ZNF540: variants seen among roughly 807,000 people sequenced by gnomAD.
The protein encoded by ZNF540 is zinc finger protein 540, also known as CTD-3064H18.6.
Under a neutral mutation model 11.8 loss-of-function variants are expected in ZNF540, and 3 were observed. The observed-to-expected ratio is 0.25, with a 90% CI of 0.12 to 0.65. The LOEUF (loss-of-function observed/expected upper bound fraction) is 0.65, where lower values mean the gene tolerates loss of function less well. Ranked by LOEUF, ZNF540 falls within the 30% of genes least tolerant of loss-of-function variation. The pLI is 0.83. For synonymous variants in ZNF540, 247 were observed against 259.0 expected (o/e 0.95, Z 0.45); for missense variants, 709 against 793.1 (o/e 0.89, Z 1.27).
At chr19:37,607,729 T>A (rs1018157242) in intron 4 of ZNF540, among the ~76,000 whole-genome samples, 6 of 152,234 alleles carry the variant, frequency 3.9e-5, no homozygotes, top group Non-Finnish European at 8.8e-5. Flanking sequence ...ATCTTGGTTT[T>A]TTTTAAGTAT....
At chr19:37,566,625 A>C (rs1489206704) in intron 1 of ZNF540, 3 of 200,852 alleles carry the variant, frequency 1.5e-5, no homozygotes, top group Non-Finnish European at 3.0e-5. Flanking sequence ...CTATCAACAA[A>C]TCCTATCAGC....
chr19:37,581,462 C>T (rs2043458807), intron 1 of ZNF540, among the ~76,000 whole-genome samples: 1 of 149,162 alleles, frequency 6.7e-6, no homozygotes, highest in Non-Finnish European at 1.5e-5. Context: ...TTCTTTCTTT[C>T]TTTCTTTTTT....
intron 1 of ZNF540, 35 bp from the exon 2 acceptor site, chr19:37,598,341 G>C (rs1309719472): frequency 9.2e-7 from 1 of 1,084,530 alleles, no homozygotes; most frequent in East Asian, 2.4e-5. Flanking sequence ...GGCAGACCTA[G>C]TCTCACTGTC....
intron 1 of ZNF540, among the ~76,000 whole-genome samples, chr19:37,571,729 C>A (rs528396292): frequency 6.6e-6 from 1 of 152,276 alleles, no homozygotes; most frequent in South Asian, 2.1e-4. Context: ...TGAGGAGCAT[C>A]TGTACTACTA....
intron 1 of ZNF540, among the ~76,000 whole-genome samples, chr19:37,568,707 A>T (rs2042952824): frequency 6.6e-6 from 1 of 152,196 alleles, no homozygotes; most frequent in African/African-American, 2.4e-5. Flanking sequence ...TACATATAAA[A>T]ATGTATTCAA....
intron 1 of ZNF540, among the ~76,000 whole-genome samples, chr19:37,557,278 C>T (rs774412369): frequency 1.3e-5 from 2 of 152,176 alleles, no homozygotes; most frequent in Non-Finnish European, 1.5e-5. Flanking sequence ...CAGGTTGTTC[C>T]CCAGAGAGCT....
At position 37,608,053 on chromosome 19, in the gene ZNF540, A is replaced by C. The variant is rs73617199; in HGVS notation, c.233-3460A>C. ...TGTTTTTAATTTGCAGTTCTCTGAC[A>C]TTCCTGATCTCTGGTTTGGTGTCTG... On this transcript the variant is annotated intron_variant, in intron 4 of 4. Coordinates refer to ENST00000316433, the MANE Select transcript of ZNF540 (RefSeq NM_001172225.3). Among the ~76,000 whole-genome samples the C allele has an allele frequency of 7.7e-3, 1,168 of 152,298 alleles. 16 individuals are homozygous for C. The highest frequency in any genetic ancestry group is 0.027 in the African/African-American group (1,128 of 41,570).
chr19:37,554,131 C>T (rs1252064045), intron 1 of ZNF540, among the ~76,000 whole-genome samples: 4 of 152,106 alleles, frequency 2.6e-5, no homozygotes, highest in Non-Finnish European at 5.9e-5. Flanking sequence ...GTTTTTTGAC[C>T]TTCACATTCC....
chr19:37,594,712 A>G (rs2043967398), upstream of ZNF540: 2 of 152,338 alleles, frequency 1.3e-5, no homozygotes, highest in Admixed American at 1.3e-4. Flanking sequence ...AAAAGCTGCG[A>G]GCGGTTCCCG....
At chr19:37,605,078 GTGCT>G (rs1466483454) in intron 4 of ZNF540, among the ~76,000 whole-genome samples, 1 of 152,210 alleles carries the variant, frequency 6.6e-6, no homozygotes, top group African/African-American at 2.4e-5. Context: ...GCTATTATGA[GTGCT>G]TGTTTACAAG....
At chr19:37,581,042 A>G (rs143786018) in intron 1 of ZNF540, among the ~76,000 whole-genome samples, 166 of 152,342 alleles carry the variant, frequency 1.1e-3, no homozygotes, top group African/African-American at 3.5e-3. Flanking sequence ...TTCTAGCATT[A>G]TTTACTTCAA....
rs1223180144 is a variant in ZNF540 at position 37,558,234 on chromosome 19, C to T, written c.-73+6569C>T. Among the ~76,000 whole-genome samples, 14 of 152,122 alleles carry T rather than the reference C, an allele frequency of 9.2e-5. 1 individual carries two copies. Among genetic ancestry groups the T allele is most frequent in the Admixed American group, 9.2e-4 (14 of 15,274 alleles). On this transcript the variant is annotated intron_variant, in intron 1 of 4. Transcript: ENST00000592533. ...AGCCTTTTCAGCTGCCTGTGTTGCT[C>T]GTTTTTGTTTTTCAAACTCTTGGTT... is the stretch of plus-strand genomic sequence containing the variant.
rs1017385484 is a variant in ZNF540 at position 37,565,932 on chromosome 19, A to G, written c.-73+14267A>G. On this transcript the variant is annotated intron_variant, in intron 1 of 4. Transcript: ENST00000592533. The stretch of plus-strand genomic sequence containing the variant: ...TTCCTGTGTTTCTTAACTTCAGAGC[A>G]TTTTTCTATATTATGATTTTCCTCA... The G allele has an allele frequency of 2.5e-6, 4 of 1,613,800 alleles. No homozygotes were observed. The East Asian group carries it at 6.7e-5, about 27-fold the overall frequency.
chr19:37,563,578 A>C (rs2042745620), intron 1 of ZNF540: 1 of 152,108 alleles, frequency 6.6e-6, no homozygotes, highest in South Asian at 2.1e-4. Context: ...GGTATATGGA[A>C]TATATACATA....
At chr19:37,557,712 A>C (rs1293392339) in intron 1 of ZNF540, among the ~76,000 whole-genome samples, 3 of 152,214 alleles carry the variant, frequency 2.0e-5, no homozygotes, top group African/African-American at 7.2e-5. Flanking sequence ...ACCGTGTGGA[A>C]GAGAAAGTCA....
At chr19:37,595,989 T>A (rs1293518264) in intron 1 of ZNF540, among the ~76,000 whole-genome samples, 1 of 151,906 alleles carries the variant, frequency 6.6e-6, no homozygotes, top group African/African-American at 2.4e-5. Flanking sequence ...CTTCCTTAAA[T>A]TTTTTTTTAA....
At chr19:37,591,559 C>T (rs969029622), upstream of ZNF540, among the ~76,000 whole-genome samples, 26 of 152,248 alleles carry the variant, frequency 1.7e-4, no homozygotes, top group African/African-American at 6.0e-4. Flanking sequence ...ATTTATTTAT[C>T]TTGAGATGGA....
At chr19:37,578,908 G>A (rs1025458281) in intron 1 of ZNF540, among the ~76,000 whole-genome samples, 4 of 152,168 alleles carry the variant, frequency 2.6e-5, no homozygotes, top group Non-Finnish European at 4.4e-5. Context: ...TGGCACCTCT[G>A]TATGCCCTAA....
chr19:37,588,871 A>G (rs898845020), intron 1 of ZNF540, among the ~76,000 whole-genome samples: 2 of 152,162 alleles, frequency 1.3e-5, no homozygotes, highest in Non-Finnish European at 2.9e-5. Flanking sequence ...CACATACCCA[A>G]ATTAACTCCA....
Sources: gnomAD v4.1 joint callset for allele counts (sites outside exome capture counted in the v4.1 genomes callset) on GRCh38, gnomAD v4.1.1 for gene constraint, MANE v1.5 for transcripts, NCBI Gene and HGNC (gene_info 2026-07-23, HGNC 2026-07-21) for gene names.